ZDHHC7: variants seen among roughly 807,000 people sequenced by gnomAD.
ZDHHC7 encodes the protein zDHHC palmitoyltransferase 7.
A neutral mutation model predicts 34.1 loss-of-function variants in ZDHHC7; 12 were observed. The observed-to-expected ratio is 0.35, with a 90% CI of 0.23 to 0.57. The LOEUF (loss-of-function observed/expected upper bound fraction) is 0.57. Among genes scored for constraint, ZDHHC7 ranks in the 20% least tolerant of loss-of-function variants. The pLI is 0.84. For synonymous variants in ZDHHC7, 185 were observed against 155.4 expected (o/e 1.19, Z -1.42); for missense variants, 388 against 402.7 (o/e 0.96, Z 0.31).
intron 1 of ZDHHC7, among the ~76,000 whole-genome samples, chr16:85,005,957 A>G (rs1209724712): frequency 3.9e-5 from 6 of 152,036 alleles, no homozygotes; most frequent in Non-Finnish European, 8.8e-5. Flanking sequence ...CACCTTTCCC[A>G]CAACCCAAAT....
At chr16:85,007,276 A>T (rs566089520) in intron 1 of ZDHHC7, among the ~76,000 whole-genome samples, 13 of 151,932 alleles carry the variant, frequency 8.6e-5, no homozygotes, top group Non-Finnish European at 1.5e-4. Flanking sequence ...TACAAAAATT[A>T]GCCGGGCATG....
intron 3 of ZDHHC7, among the ~76,000 whole-genome samples, chr16:84,988,490 T>C (rs1441579127): frequency 2.0e-5 from 3 of 152,126 alleles, no homozygotes; most frequent in Admixed American, 6.5e-5. Context: ...TCTGCAGTAA[T>C]ACAACAAGCA....
chr16:85,020,378 T>A, the ZDHHC7 span, among the ~76,000 whole-genome samples: 1 of 152,382 alleles, frequency 6.6e-6, no homozygotes, highest in South Asian at 2.1e-4. Context: ...GCAAAGCTCC[T>A]GCCTGTTATG....
At chr16:85,013,966 G>A (rs1418217559), upstream of ZDHHC7, among the ~76,000 whole-genome samples, 2 of 152,176 alleles carry the variant, frequency 1.3e-5, no homozygotes, top group African/African-American at 4.8e-5. Context: ...GGGATTACAG[G>A]TGTGAGCCAC....
intron 2 of ZDHHC7, among the ~76,000 whole-genome samples, chr16:84,993,440 T>G (rs1446433841): frequency 6.6e-6 from 1 of 152,082 alleles, no homozygotes; most frequent in African/African-American, 2.4e-5. Flanking sequence ...GAGACTGGCC[T>G]GCGCAACATG....
chr16:85,005,523 A>T (rs1597563649), intron 1 of ZDHHC7, among the ~76,000 whole-genome samples: 1 of 152,352 alleles, frequency 6.6e-6, no homozygotes, highest in Non-Finnish European at 1.5e-5. Flanking sequence ...TGCCTTGCTC[A>T]GATCCACAGC....
intron 2 of ZDHHC7, among the ~76,000 whole-genome samples, chr16:84,995,538 A>AT (rs1367581868): frequency 1.3e-5 from 2 of 152,204 alleles, no homozygotes; most frequent in Non-Finnish European, 2.9e-5. Flanking sequence ...AGGCAGAAGA[A>AT]TCACTTGAAC....
At chr16:84,989,557 T>C (rs566214444) in intron 3 of ZDHHC7, among the ~76,000 whole-genome samples, 27 of 151,934 alleles carry the variant, frequency 1.8e-4, no homozygotes, top group Admixed American at 1.4e-3. Context: ...TAGCCAGGCA[T>C]GGTGGTGCAT....
intron 3 of ZDHHC7, among the ~76,000 whole-genome samples, chr16:84,983,224 G>A (rs1408133225): frequency 1.3e-5 from 2 of 152,220 alleles, no homozygotes; most frequent in African/African-American, 4.8e-5. Flanking sequence ...CAAAGACAGG[G>A]GATATAGGTG....
intron 3 of ZDHHC7, among the ~76,000 whole-genome samples, chr16:84,982,520 C>G (rs150334025): frequency 3.2e-4 from 49 of 152,282 alleles, no homozygotes; most frequent in African/African-American, 1.1e-3. Flanking sequence ...ACACCACTTC[C>G]CTGTAGCCCC....
chr16:84,991,404 G>A (rs1271215196), intron 2 of ZDHHC7, among the ~76,000 whole-genome samples: 1 of 151,904 alleles, frequency 6.6e-6, no homozygotes, highest in East Asian at 1.9e-4. Flanking sequence ...TCCTGCCTCA[G>A]CCTCCCGAGT....
At chr16:85,016,533 G>A (rs2072835015), upstream of ZDHHC7, among the ~76,000 whole-genome samples, 1 of 152,026 alleles carries the variant, frequency 6.6e-6, no homozygotes, top group Non-Finnish European at 1.5e-5. Context: ...ATAACTCACT[G>A]CAGCCTCGAA....
the ZDHHC7 span, among the ~76,000 whole-genome samples, chr16:85,023,365 G>A: frequency 1.8e-4 from 27 of 151,870 alleles, no homozygotes; most frequent in African/African-American, 6.0e-4. Context: ...GGGTTTCACC[G>A]TGTTGGCCAG....
chr16:84,989,131 TCAAAGACTC>T (rs1373854504), intron 3 of ZDHHC7, among the ~76,000 whole-genome samples: 1 of 152,128 alleles, frequency 6.6e-6, no homozygotes, highest in African/African-American at 2.4e-5. Context: ...TCAGTTATGG[TCAAAGACTC>T]CACCATCAGA....
At chr16:85,016,414 T>C (rs2072834507), upstream of ZDHHC7, among the ~76,000 whole-genome samples, 1 of 152,112 alleles carries the variant, frequency 6.6e-6, no homozygotes, top group Admixed American at 6.6e-5. Context: ...CGTAAAATTG[T>C]ACCCTTGCTA....
the ZDHHC7 span, among the ~76,000 whole-genome samples, chr16:85,022,691 G>C: frequency 1.3e-5 from 2 of 151,928 alleles, no homozygotes; most frequent in South Asian, 4.2e-4. Flanking sequence ...ACTTACAAAG[G>C]AAAAAAGGTA....
chr16:84,987,900 C>T (rs1171850701), intron 3 of ZDHHC7, among the ~76,000 whole-genome samples: 1 of 152,234 alleles, frequency 6.6e-6, no homozygotes, highest in Non-Finnish European at 1.5e-5. Flanking sequence ...GGCGCAGTGG[C>T]TCACGCCTGT....
At chr16:85,007,461 A>T (rs2072733317) in intron 1 of ZDHHC7, among the ~76,000 whole-genome samples, 1 of 151,502 alleles carries the variant, frequency 6.6e-6, no homozygotes, top group South Asian at 2.1e-4. Context: ...AATGGAACTC[A>T]GAAGCAAGCA....
chr16:85,024,958 C>G, the ZDHHC7 span, among the ~76,000 whole-genome samples: 8 of 152,090 alleles, frequency 5.3e-5, no homozygotes, highest in East Asian at 1.3e-3. Context: ...AAGCCTAGAG[C>G]TCTTGGAGGA....
Sources: allele counts gnomAD v4.1 joint callset (sites outside exome capture counted in the v4.1 genomes callset), GRCh38; gene constraint gnomAD v4.1.1; transcripts MANE v1.5; gene names NCBI Gene and HGNC (gene_info 2026-07-23, HGNC 2026-07-21).